CLEC16A: variants seen among roughly 807,000 people sequenced by gnomAD.
The protein encoded by CLEC16A is protein CLEC16A.
In CLEC16A, 51 loss-of-function variants were observed where a neutral mutation model predicts 109.5. The observed-to-expected ratio is 0.47, with a 90% CI of 0.37 to 0.59. The LOEUF (loss-of-function observed/expected upper bound fraction) is 0.59, where lower values mean the gene tolerates loss of function less well. CLEC16A is among the 20% of genes least tolerant of loss of function. The pLI, the probability that CLEC16A is intolerant of heterozygous loss-of-function variation, is 0.00. For missense variants in CLEC16A, 1,339 were observed against 1,394.0 expected, an observed-to-expected ratio of 0.96 and a Z score of 0.63; for synonymous variants, 673 against 564.2, an observed-to-expected ratio of 1.19 and a Z score of -2.73.
At chr16:11,108,806 C>G (rs779289507) in intron 19 of CLEC16A, among the ~76,000 whole-genome samples, 1 of 152,100 alleles carries the variant, frequency 6.6e-6, no homozygotes, top group Non-Finnish European at 1.5e-5. Context: ...TGCCAGCAGC[C>G]ATTGTCATTG....
At position 11,014,252 on chromosome 16, in the gene CLEC16A, C is replaced by T. The variant is rs181978991; in HGVS notation, c.1304-5941C>T. 5.3e-5 allele frequency among the ~76,000 whole-genome samples: 8 copies of T among 152,284 alleles called. 1 individual carries two copies. In the East Asian group the frequency reaches 7.7e-4, roughly 15 times the overall value. ...TGTTCCTTCCACTTAGCAATGTCTC[C>T]GGAAATTACTCCATATCATTTCTCA... On this transcript the variant is annotated intron_variant, in intron 11 of 23. Coordinates refer to ENST00000409790, the MANE Select transcript of CLEC16A (RefSeq NM_015226.3).
intron 4 of CLEC16A, among the ~76,000 whole-genome samples, chr16:10,969,681 G>T (rs1267928559): frequency 5.9e-5 from 9 of 152,094 alleles, no homozygotes; most frequent in Non-Finnish European, 1.3e-4. Flanking sequence ...AATTCAGTTT[G>T]TTCTGAGAGC....
chr16:10,992,919 C>T (rs1372795189), intron 10 of CLEC16A, among the ~76,000 whole-genome samples: 1 of 151,978 alleles, frequency 6.6e-6, no homozygotes, highest in Non-Finnish European at 1.5e-5. Context: ...GAACTGAGGT[C>T]AGGGAGCTAG....
At chr16:11,021,954 A>G (rs1429557521) in intron 12 of CLEC16A, among the ~76,000 whole-genome samples, 2 of 152,212 alleles carry the variant, frequency 1.3e-5, no homozygotes, top group African/African-American at 2.4e-5. Context: ...CGCCACCAAA[A>G]AAAGGGTTAA....
chr16:11,120,276 G>T (rs1378154707), intron 19 of CLEC16A, among the ~76,000 whole-genome samples: 1 of 152,242 alleles, frequency 6.6e-6, no homozygotes, highest in Non-Finnish European at 1.5e-5. Flanking sequence ...CAGCCATGCT[G>T]GTTGTTTTTA....
chr16:11,012,791 C>G (rs1461037685), intron 11 of CLEC16A, among the ~76,000 whole-genome samples: 1 of 152,168 alleles, frequency 6.6e-6, no homozygotes, highest in Non-Finnish European at 1.5e-5. Flanking sequence ...AATCACAAAT[C>G]TGGTAGGCTT....
At chr16:11,168,695 C>G (rs1362605645) in intron 23 of CLEC16A, among the ~76,000 whole-genome samples, 1 of 152,260 alleles carries the variant, frequency 6.6e-6, no homozygotes, top group Non-Finnish European at 1.5e-5. Flanking sequence ...CCCTCCCAGT[C>G]CACCCAGACC....
Position 11,020,227 on chromosome 16 carries a change from C to G in CLEC16A, c.1338C>G (p.Leu446=). ...TGGTGATCATGGAGCGTAGCAAGCT[C>G]TCAGAGCTGGCCGCCAGCACCTCCG... ...IEMVIMERSK[L]SELAASTSVQ... The change falls in exon 12 of 24, where the codon CTC becomes CTG. Residue 446 remains leucine (L), a synonymous_variant. Coordinates refer to ENST00000409790, the MANE Select transcript of CLEC16A (RefSeq NM_015226.3). 6.2e-7 allele frequency: 1 copy of G among 1,613,814 alleles called. No individual in the cohort carries two copies.
intron 19 of CLEC16A, among the ~76,000 whole-genome samples, chr16:11,101,448 A>T (rs535891652): frequency 6.6e-6 from 1 of 152,272 alleles, no homozygotes; most frequent in South Asian, 2.1e-4. Context: ...CCTTCCCTGC[A>T]TGTCCTTGAC....
At chr16:11,009,229 C>T (rs2045246570) in intron 11 of CLEC16A, among the ~76,000 whole-genome samples, 1 of 152,158 alleles carries the variant, frequency 6.6e-6, no homozygotes, top group Non-Finnish European at 1.5e-5. Flanking sequence ...ATAAAGTCTT[C>T]AAGGTTCATT....
intron 16 of CLEC16A, among the ~76,000 whole-genome samples, 167 bp from the exon 17 acceptor site, chr16:11,047,125 C>T (rs906231205): frequency 1.4e-4 from 21 of 151,926 alleles, no homozygotes; most frequent in African/African-American, 3.9e-4. Context: ...GTCATTTGAG[C>T]GTGTGTGTTT....
At chr16:11,028,991 C>T (rs531069434) in intron 13 of CLEC16A, among the ~76,000 whole-genome samples, 9 of 152,096 alleles carry the variant, frequency 5.9e-5, no homozygotes, top group Admixed American at 4.6e-4. Flanking sequence ...TTTTGGATTC[C>T]TTCCCCCATT....
intron 22 of CLEC16A, among the ~76,000 whole-genome samples, chr16:11,130,598 C>A (rs537380009): frequency 4.6e-5 from 7 of 152,194 alleles, no homozygotes; most frequent in Non-Finnish European, 1.5e-5. Flanking sequence ...GAGGGAGATT[C>A]GGTCATCAGA....
At chr16:11,055,291 C>T (rs569662376) in intron 18 of CLEC16A, among the ~76,000 whole-genome samples, 10 of 152,306 alleles carry the variant, frequency 6.6e-5, no homozygotes, top group African/African-American at 2.2e-4. Context: ...GGCTGAGGAG[C>T]GCTCCTCCTG....
At chr16:11,034,714 C>T (rs1180282918) in intron 13 of CLEC16A, among the ~76,000 whole-genome samples, 3 of 152,070 alleles carry the variant, frequency 2.0e-5, no homozygotes, top group Admixed American at 6.5e-5. Flanking sequence ...CTAGTGCTCC[C>T]GTGAAGTGCA....
intron 19 of CLEC16A, 131 bp from the exon 20 acceptor site, chr16:11,120,484 T>G: frequency 2.2e-6 from 2 of 890,782 alleles, no homozygotes; most frequent in Non-Finnish European, 1.6e-6. Context: ...CAGACCTAGG[T>G]CTGTGTGACT....
intron 1 of CLEC16A, among the ~76,000 whole-genome samples, chr16:10,955,971 T>G (rs2041965327): frequency 6.6e-6 from 1 of 152,212 alleles, no homozygotes; most frequent in Non-Finnish European, 1.5e-5. Flanking sequence ...AACTGCAGTT[T>G]GGAAAACTCT....
intron 22 of CLEC16A, chr16:11,150,289 C>T (rs984825221): frequency 1.3e-5 from 2 of 152,170 alleles, no homozygotes; most frequent in African/African-American, 4.8e-5. Context: ...GTTTGGGCTT[C>T]CCTTAAATAA....
At chr16:11,162,782 T>G (rs556500580) in intron 22 of CLEC16A, among the ~76,000 whole-genome samples, 19 of 152,328 alleles carry the variant, frequency 1.2e-4, no homozygotes, top group African/African-American at 4.3e-4. Flanking sequence ...CTTGGACTTA[T>G]CAGCTGTCTT....
Sources: allele counts gnomAD v4.1 joint callset (sites outside exome capture counted in the v4.1 genomes callset), GRCh38; gene constraint gnomAD v4.1.1; transcripts MANE v1.5; gene names NCBI Gene and HGNC (gene_info 2026-07-23, HGNC 2026-07-21).